The following PLPP2 variants were observed in gnomAD, a reference collection of about 807,000 sequenced individuals.
The protein encoded by PLPP2 is PAP2-gamma.
A neutral mutation model predicts 35.2 loss-of-function variants in PLPP2; 29 were observed. The ratio of observed to expected loss-of-function variants is 0.82; its 90% CI spans 0.61 to 1.12. The LOEUF (loss-of-function observed/expected upper bound fraction) is 1.12. PLPP2 is among the 50% of genes most tolerant of loss of function. The pLI is 0.00. For missense variants in PLPP2, 353 were observed against 375.2 expected, an observed-to-expected ratio of 0.94 and a Z score of 0.49; for synonymous variants, 162 against 167.0, an observed-to-expected ratio of 0.97 and a Z score of 0.23.
chr19:288,359 G>C (rs1021096130), intron 1 of PLPP2, 188 bp from the exon 2 acceptor site: 10 of 501,866 alleles, frequency 2.0e-5, no homozygotes, highest in Admixed American at 1.1e-4. Context: ...CTCCTCAGGC[G>C]CTCTGCCCCT....
rs1358920783 is a variant in PLPP2 at position 283,974 on chromosome 19, A to C, written c.483-1165T>G. The C allele has an allele frequency of 3.9e-5, 6 of 152,238 alleles. 1 individual carries two copies. Among genetic ancestry groups the C allele is most frequent in the Non-Finnish European group, 7.3e-5 (5 of 68,044 alleles). 9.4% of individuals were successfully genotyped at this position (152,238 alleles called of 1,614,324 possible). A position where few individuals can be genotyped will look rare whatever the true frequency, so the allele number is the denominator to read the frequency against. On this transcript the variant is annotated intron_variant, in intron 3 of 5. Coordinates refer to ENST00000434325, the MANE Select transcript of PLPP2 (RefSeq NM_003712.4). ...TCATTAAACAAATAACTACTGCAAC[A>C]AACAGCAAGAACAAACCCGGGAGAG...
intron 3 of PLPP2, chr19:283,049 A>C: frequency 2.0e-6 from 1 of 500,170 alleles, no homozygotes; most frequent in Non-Finnish European, 3.5e-6. Flanking sequence ...CCTGAACCCA[A>C]AACCCAGGGC....
Position 287,862 on chromosome 19 carries a change from C to T in PLPP2, c.205-111G>A. On this transcript the variant is annotated intron_variant, in intron 2 of 5. Transcript: ENST00000434325. This position sits in a 1 kb window ranked among gnomAD's most constrained non-coding sequence, Gnocchi z 4.3. The stretch of plus-strand genomic sequence containing the variant: ...GGAGAGCTGGGGACTCTGAAGGGGG[C>T]CCTATTACCCACAGGTACCACTCAG... 1 of 1,517,206 alleles carries T rather than the reference C, an allele frequency of 6.6e-7. No individual in the cohort carries two copies. The allele number at this position is 1,517,206 out of a possible 1,614,324, so 94.0% of individuals were successfully genotyped here. A position where few individuals can be genotyped will look rare whatever the true frequency, so the allele number is the denominator to read the frequency against.
Position 287,814 on chromosome 19 carries a change from G to A in PLPP2, c.205-63C>T, listed in dbSNP as rs529285131. On this transcript the variant is annotated intron_variant, in intron 2 of 5. Transcript: ENST00000434325. This position sits in a 1 kb window ranked among gnomAD's most constrained non-coding sequence, Gnocchi z 4.3. The stretch of plus-strand genomic sequence containing the variant: ...TCGGCCCAGGGGCCCTCACTCCTCC[G>A]CACGGGCCTCCCCAAGGCTGCTGGA... 42 of 1,586,600 alleles carry A rather than the reference G, an allele frequency of 2.6e-5. No homozygotes were observed. In the South Asian group the frequency reaches 3.6e-4, roughly 13 times the overall value.
chr19:289,762 C>G (rs952052504), intron 1 of PLPP2, among the ~76,000 whole-genome samples: 1 of 152,006 alleles, frequency 6.6e-6, no homozygotes, highest in East Asian at 1.9e-4. Flanking sequence ...GCGGAGAGGG[C>G]GGGATGTAAG....
chr19:283,225 A>G (rs1483758659), intron 3 of PLPP2: 1 of 160,902 alleles, frequency 6.2e-6, no homozygotes, highest in East Asian at 1.8e-4. Context: ...CTTCAAAAGC[A>G]ATTTTTAAAA....
At position 281,504 on chromosome 19, in the gene PLPP2, G is replaced by A; in HGVS notation, c.751C>T (p.Pro251Ser). The A allele has an allele frequency of 1.3e-6, 2 of 1,532,214 alleles. No individual in the cohort carries two copies. Among genetic ancestry groups the A allele is most frequent in the Non-Finnish European group, 1.8e-6 (2 of 1,139,036 alleles). The allele number at this position is 1,532,214 out of a possible 1,614,324, so 94.9% of individuals were successfully genotyped here. A position where few individuals can be genotyped will look rare whatever the true frequency, so the allele number is the denominator to read the frequency against. ...TCCTCCTTCAGACAGTGCTGTGGGG[G>A]TCGGGCTTTGAAGAAGTCTGAGATG... is the stretch of plus-strand genomic sequence containing the variant. ...CYISDFFKAR[P>S]PQHCLKEEEL... is the part of the protein sequence containing the mutation. Residue 251 changes from proline (P) to serine (S), a missense_variant, in exon 6 of 6, where the codon CCC (proline) becomes TCC (serine). Transcript: ENST00000434325.
chr19:282,113 G>C (rs1444467184), intron 5 of PLPP2, 21 bp downstream of exon 5: 10 of 1,612,242 alleles, frequency 6.2e-6, no homozygotes, highest in South Asian at 3.3e-5. Context: ...ACAGGGGATA[G>C]AGTTAGGGTT....
chr19:285,446 A>T (rs1372150115), intron 3 of PLPP2: 1 of 151,754 alleles, frequency 6.6e-6, no homozygotes, highest in African/African-American at 2.4e-5. Flanking sequence ...AAAAAAAAAA[A>T]GATTATTCGG....
At chr19:286,796 T>C (rs1209781377) in intron 3 of PLPP2, 1 of 151,908 alleles carries the variant, frequency 6.6e-6, no homozygotes, top group East Asian at 1.9e-4. Flanking sequence ...ACCCCGTTTC[T>C]ACCAAAAAAA....
rs1970169476 is a variant in PLPP2 at position 281,356 on chromosome 19, A to G, written c.*32T>C. 1.4e-6 allele frequency: 2 copies of G among 1,381,568 alleles called. No homozygotes were observed. Among genetic ancestry groups the G allele is most frequent in the African/African-American group, 1.5e-5 (1 of 67,476 alleles). The allele number at this position is 1,381,568 out of a possible 1,614,324, so 85.6% of individuals were successfully genotyped here. ...ACCTGGGTGGGCCTCAGCTGGACTC[A>G]CAGCAGCTCCCTGCCTGGGCGGGGT... is the stretch of plus-strand genomic sequence containing the variant. On this transcript the variant is annotated 3_prime_UTR_variant, in exon 6 of 6. Coordinates refer to ENST00000434325, the MANE Select transcript of PLPP2 (RefSeq NM_003712.4).
At chr19:291,225 G>A (rs1001939154) in intron 1 of PLPP2, 60 bp downstream of exon 1, 11 of 1,594,272 alleles carry the variant, frequency 6.9e-6, no homozygotes, top group African/African-American at 1.4e-5. Flanking sequence ...CTTGCGCGCA[G>A]CCGGGGGCGT....
intron 1 of PLPP2, among the ~76,000 whole-genome samples, chr19:288,773 G>A (rs897191539): frequency 2.0e-5 from 3 of 152,146 alleles, no homozygotes; most frequent in Non-Finnish European, 4.4e-5. Context: ...TGGGACACTG[G>A]AATTGATTTC....
Position 282,159 on chromosome 19 carries a change from T to G in PLPP2, c.692A>C (p.Gln231Pro). 6.2e-7 allele frequency: 1 copy of G among 1,613,652 alleles called. No homozygotes were observed. The highest frequency in any genetic ancestry group is 8.5e-7 in the Non-Finnish European group (1 of 1,179,794). Residue 231 changes from glutamine to proline, a missense_variant, in exon 5 of 6, where the codon CAG (glutamine) becomes CCG (proline). Coordinates refer to ENST00000434325, the MANE Select transcript of PLPP2 (RefSeq NM_003712.4). ...AGTGAGGGCAGCCACCAGTGCCCCC[T>G]GCAGGAGGCCAACAAGGACATCGCT... Reference protein sequence around the residue: ...HWSDVLVGLLQGALVAALTVC... With the variant: ...HWSDVLVGLLPGALVAALTVC...
At position 281,500 on chromosome 19, in the gene PLPP2, G is replaced by A; in HGVS notation, c.755C>T (p.Pro252Leu). The A allele has an allele frequency of 6.5e-7, 1 of 1,541,122 alleles. No individual in the cohort carries two copies. The highest frequency in any genetic ancestry group is 8.7e-7 in the Non-Finnish European group (1 of 1,143,540). ...CTCCTCCTCCTTCAGACAGTGCTGT[G>A]GGGGTCGGGCTTTGAAGAAGTCTGA... ...YISDFFKARP[P>L]QHCLKEEELE... Residue 252 changes from proline to leucine, a missense_variant, in exon 6 of 6, where the codon CCA becomes CTA. Physicochemically the swap from Pro to Leu is moderately conservative, Grantham distance 98. Transcript: ENST00000434325.
At chr19:285,475 GCT>G (rs950881720) in intron 3 of PLPP2, 1 of 151,290 alleles carries the variant, frequency 6.6e-6, no homozygotes, top group Non-Finnish European at 1.5e-5. Context: ...AGGTGTGGTG[GCT>G]CACGCCTGCT....
In PLPP2 at chr19:281,062, A is replaced by C. The variant is rs1300236340; in HGVS notation, c.*326T>G. ...AGACCGTTTGTGAAACAGGTGCCCT[A>C]TTTTACTAAAAACCACATATACATT... On this transcript the variant is annotated 3_prime_UTR_variant, in exon 6 of 6. Coordinates refer to ENST00000434325, the MANE Select transcript of PLPP2 (RefSeq NM_003712.4). 1 of 200,882 alleles carries C rather than the reference A, an allele frequency of 5.0e-6. No individual in the cohort carries two copies. The highest frequency in any genetic ancestry group is 2.3e-5 in the African/African-American group (1 of 43,416). The allele number at this position is 200,882 out of a possible 1,614,324, so 12.4% of individuals were successfully genotyped here. A position where few individuals can be genotyped will look rare whatever the true frequency, so the allele number is the denominator to read the frequency against.
intron 1 of PLPP2, 112 bp from the exon 2 acceptor site, chr19:288,283 G>T: frequency 8.9e-7 from 1 of 1,119,722 alleles, no homozygotes; most frequent in East Asian, 2.5e-5. Flanking sequence ...TCACCAGACA[G>T]CAAGGAAGAG....
intron 1 of PLPP2, chr19:290,847 G>T: frequency 2.1e-6 from 2 of 975,414 alleles, no homozygotes; most frequent in Non-Finnish European, 2.6e-6. Context: ...CCGAGGGTCA[G>T]CCCTCTCCGC....
Sources: gnomAD v4.1 joint callset for allele counts (sites outside exome capture counted in the v4.1 genomes callset) on GRCh38, gnomAD v4.1.1 for gene constraint, Gnocchi (gnomAD v3.1) non-coding constraint, MANE v1.5 for transcripts, NCBI Gene and HGNC (gene_info 2026-07-23, HGNC 2026-07-21) for gene names.